The following LARP1B variants were observed in gnomAD, a reference collection of about 807,000 sequenced individuals.
The protein encoded by LARP1B is la-related protein 1B.
LARP1B carries 76 observed loss-of-function variants against 114.2 expected under a neutral mutation model. That is an observed-to-expected ratio of 0.67 (90% CI 0.55 to 0.81). The LOEUF (loss-of-function observed/expected upper bound fraction) is 0.81. LARP1B is among the 30% of genes least tolerant of loss of function. The pLI is 0.00. For missense variants in LARP1B, 1,014 were observed against 1,075.8 expected (o/e 0.94, Z 0.80); for synonymous variants, 345 against 348.0 (o/e 0.99, Z 0.10).
intron 9 of LARP1B, among the ~76,000 whole-genome samples, chr4:128,112,421 C>T (rs1784417091): frequency 6.7e-6 from 1 of 149,466 alleles, no homozygotes; most frequent in Admixed American, 6.7e-5. Context: ...CAGGACTAGC[C>T]ACATTTGAAG....
intron 11 of LARP1B, among the ~76,000 whole-genome samples, chr4:128,159,196 A>G (rs996421586): frequency 6.6e-6 from 1 of 151,916 alleles, no homozygotes; most frequent in Non-Finnish European, 1.5e-5. Flanking sequence ...AAAAAAGGAA[A>G]TATGTTGTGT....
At chr4:128,189,754 A>G (rs140440525) in intron 15 of LARP1B, among the ~76,000 whole-genome samples, 44 of 152,282 alleles carry the variant, frequency 2.9e-4, no homozygotes, top group African/African-American at 1.0e-3. Flanking sequence ...GTTATTTTAA[A>G]CATATGACAA....
intron 12 of LARP1B, among the ~76,000 whole-genome samples, chr4:128,172,212 G>A: frequency 6.6e-6 from 1 of 150,836 alleles, no homozygotes; most frequent in Non-Finnish European, 1.5e-5. Flanking sequence ...TTCAATTTCT[G>A]TTGATTCTGG....
chr4:128,205,503 T>C (rs1195735616), intron 17 of LARP1B, among the ~76,000 whole-genome samples: 1 of 152,188 alleles, frequency 6.6e-6, no homozygotes, highest in Admixed American at 6.5e-5. Context: ...ATTCTCAAGA[T>C]AGTTATAGAC....
chr4:128,084,299 C>T (rs1772335495), intron 5 of LARP1B, among the ~76,000 whole-genome samples: 1 of 152,186 alleles, frequency 6.6e-6, no homozygotes. Flanking sequence ...TTGTAGCGAG[C>T]TGAGATCACG....
intron 11 of LARP1B, chr4:128,156,201 G>A: frequency 6.2e-7 from 1 of 1,602,448 alleles, no homozygotes; most frequent in East Asian, 2.2e-5. Context: ...TCCTCGCTTT[G>A]TGAGGCACCC....
chr4:128,063,636 T>C (rs1761269061), intron 1 of LARP1B, among the ~76,000 whole-genome samples: 1 of 147,000 alleles, frequency 6.8e-6, no homozygotes, highest in African/African-American at 2.5e-5. Context: ...AAAATTAACC[T>C]GGCGTGGTGG....
At chr4:128,155,822 C>CG in intron 11 of LARP1B, 1 of 1,582,658 alleles carries the variant, frequency 6.3e-7, no homozygotes. Context: ...GATGAGAAAT[C>CG]AGGGCTGCAG....
At chr4:128,196,363 C>CA (rs1168257846) in intron 15 of LARP1B, among the ~76,000 whole-genome samples, 1 of 149,890 alleles carries the variant, frequency 6.7e-6, no homozygotes, top group Non-Finnish European at 1.5e-5. Flanking sequence ...ACTAAAAATC[C>CA]AAAAAATTAG....
At chr4:128,108,840 A>C in intron 9 of LARP1B, 1 of 982,382 alleles carries the variant, frequency 1.0e-6, no homozygotes, top group Non-Finnish European at 1.2e-6. Context: ...AGGTCAGTCA[A>C]GTTGGTAATG....
intron 15 of LARP1B, among the ~76,000 whole-genome samples, chr4:128,189,863 T>G (rs1232647582): frequency 5.9e-5 from 9 of 152,230 alleles, no homozygotes; most frequent in Non-Finnish European, 8.8e-5. Context: ...TTTGTTGTCT[T>G]AATTTACATC....
intron 5 of LARP1B, among the ~76,000 whole-genome samples, chr4:128,087,858 A>G (rs538834773): frequency 5.3e-5 from 8 of 152,108 alleles, no homozygotes; most frequent in East Asian, 1.9e-4. Context: ...GGGAGCATAT[A>G]TATATATATG....
rs560326031 is a variant in LARP1B, at chr4:128,141,689, G to A, written c.1524+19501G>A. On this transcript the variant is annotated intron_variant, in intron 11 of 19. Coordinates refer to ENST00000326639, the MANE Select transcript of LARP1B (RefSeq NM_018078.4). ...GGAGGTACTTAGCTTTGTGGTATTT[G>A]AGAGAACATTTCCAGTTGTTAGATG... is the stretch of plus-strand genomic sequence containing the variant. 2.0e-5 allele frequency among the ~76,000 whole-genome samples: 3 copies of A among 152,268 alleles called. No individual in the cohort carries two copies. In the South Asian group the frequency reaches 6.2e-4, roughly 32 times the overall value.
rs533635713 is a variant in LARP1B, at chr4:128,105,786, G to A, written c.814-1353G>A. ...GGGTGCCTGTAATCCCAGCTACTCC[G>A]AAGGCTGAGGCAGAGAATTGCTTGA... On this transcript the variant is annotated intron_variant, in intron 8 of 19. Coordinates refer to ENST00000326639, the MANE Select transcript of LARP1B (RefSeq NM_018078.4). Among the ~76,000 whole-genome samples the A allele has an allele frequency of 7.2e-5, 11 of 152,214 alleles. No individual in the cohort carries two copies. The Middle Eastern group carries it at 0.014, about 188-fold the overall frequency.
At chr4:128,156,233 C>T (rs1219435501) in intron 11 of LARP1B, 12 of 1,464,252 alleles carry the variant, frequency 8.2e-6, no homozygotes, top group African/African-American at 5.5e-5. Flanking sequence ...CCTGCAGGTG[C>T]CACCCTAAGC....
chr4:128,149,932 T>G, intron 11 of LARP1B, among the ~76,000 whole-genome samples: 1 of 152,208 alleles, frequency 6.6e-6, no homozygotes. Flanking sequence ...GCAGGCGGAT[T>G]ACAAAGTCAG....
At chr4:128,151,036 A>G (rs1383853844) in intron 11 of LARP1B, among the ~76,000 whole-genome samples, 1 of 152,220 alleles carries the variant, frequency 6.6e-6, no homozygotes, top group African/African-American at 2.4e-5. Context: ...TATTCCCTCC[A>G]AGTCTTCATT....
intron 1 of LARP1B, among the ~76,000 whole-genome samples, chr4:128,071,772 T>G (rs1393193816): frequency 6.7e-6 from 1 of 148,566 alleles, no homozygotes; most frequent in Non-Finnish European, 1.5e-5. Flanking sequence ...TTCCCTTAAA[T>G]ATGATAAGAT....
At chr4:128,137,794 T>A (rs955797488) in intron 11 of LARP1B, among the ~76,000 whole-genome samples, 101 of 133,264 alleles carry the variant, frequency 7.6e-4, no homozygotes, top group Middle Eastern at 4.6e-3. Flanking sequence ...TATATATATT[T>A]TTTTTTTAGG....
Sources: gnomAD v4.1 joint callset for allele counts (sites outside exome capture counted in the v4.1 genomes callset) on GRCh38, gnomAD v4.1.1 for gene constraint, MANE v1.5 for transcripts, NCBI Gene and HGNC (gene_info 2026-07-23, HGNC 2026-07-21) for gene names.